The following ADAMTS17 variants were observed in gnomAD, a reference collection of about 807,000 sequenced individuals.
ADAMTS17 encodes ADAM metallopeptidase with thrombospondin type 1 motif 17, also known as A disintegrin and metalloproteinase with thrombospondin motifs 17.
In ADAMTS17, 113 loss-of-function variants were observed where a neutral mutation model predicts 141.5. That is an observed-to-expected ratio of 0.80 (90% CI 0.69 to 0.93). The LOEUF is 0.93. Among genes scored for constraint, ADAMTS17 ranks in the 40% least tolerant of loss-of-function variants. The pLI, the probability that ADAMTS17 is intolerant of heterozygous loss-of-function variation, is 0.00. For synonymous variants in ADAMTS17, 768 were observed against 630.6 expected, an observed-to-expected ratio of 1.22 and a Z score of -3.27; for missense variants, 1,659 against 1,517.9, an observed-to-expected ratio of 1.09 and a Z score of -1.54.
chr15:100,065,582 T>C (rs1021092679), intron 15 of ADAMTS17, among the ~76,000 whole-genome samples: 1 of 152,222 alleles, frequency 6.6e-6, no homozygotes, highest in Non-Finnish European at 1.5e-5. Flanking sequence ...GTATGCAAAA[T>C]GCTATTGCGG....
intron 18 of ADAMTS17, among the ~76,000 whole-genome samples, chr15:100,015,884 T>C (rs183526448): frequency 2.0e-5 from 3 of 152,340 alleles, no homozygotes; most frequent in Middle Eastern, 3.4e-3. Context: ...CACGTGTTCC[T>C]TGTGCTTCTT....
At chr15:100,247,289 C>T (rs576667593) in intron 7 of ADAMTS17, among the ~76,000 whole-genome samples, 1 of 152,256 alleles carries the variant, frequency 6.6e-6, no homozygotes, top group Admixed American at 6.5e-5. Flanking sequence ...GATAGGAGAG[C>T]CCCAAGAAGC....
intron 13 of ADAMTS17, among the ~76,000 whole-genome samples, chr15:100,111,616 C>T (rs1441577240): frequency 3.3e-5 from 5 of 152,194 alleles, no homozygotes; most frequent in Non-Finnish European, 7.3e-5. Context: ...AGCAAGGGTC[C>T]CTTGGCTGAA....
chr15:100,023,550 G>A (rs1404953053), intron 18 of ADAMTS17, among the ~76,000 whole-genome samples: 1 of 151,962 alleles, frequency 6.6e-6, no homozygotes. Flanking sequence ...CCCACTCCCT[G>A]GTGAAATAAC....
chr15:100,027,123 C>T (rs565462722), intron 18 of ADAMTS17, among the ~76,000 whole-genome samples: 7 of 152,284 alleles, frequency 4.6e-5, no homozygotes, highest in Admixed American at 2.6e-4. Context: ...CTTTGTAAAA[C>T]GCACTTTGTC....
In ADAMTS17 at chr15:100,116,530, A is replaced by G. The variant is rs1211006200; in HGVS notation, c.1888+317T>C. The stretch of plus-strand genomic sequence containing the variant: ...CCCTGTAAAGCTCCTTGGTCTCCTC[A>G]GCTCGTCCTGGGTCCCTCCACACAT... On this transcript the variant is annotated intron_variant, in intron 13 of 21. Transcript: ENST00000268070. Among the ~76,000 whole-genome samples, 3 of 152,354 alleles carry G rather than the reference A, an allele frequency of 2.0e-5. No homozygotes were observed. In the East Asian group the frequency reaches 5.8e-4, roughly 29 times the overall value.
rs2141589958 is a variant in ADAMTS17, at chr15:100,051,608, T to A, written c.2419A>T (p.Ser807Cys). 1.9e-6 allele frequency: 3 copies of A among 1,614,078 alleles called. No homozygotes were observed. Among genetic ancestry groups the A allele is most frequent in the Non-Finnish European group, 2.5e-6 (3 of 1,179,988 alleles). ...PQDSLFIWTH[S>C]GWEGCSVQCG... ...TGCACACTGCACCCTTCCCAGCCGCTGTGGGTCCAGATGAACAAAGAGTCC... is the reference window on the plus strand; with the variant it reads ...TGCACACTGCACCCTTCCCAGCCGCAGTGGGTCCAGATGAACAAAGAGTCC... Residue 807 changes from serine to cysteine, a missense_variant, in exon 17 of 22, where the codon AGC becomes TGC. Coordinates refer to ENST00000268070, the MANE Select transcript of ADAMTS17 (RefSeq NM_139057.4).
At position 100,116,966 on chromosome 15, in the gene ADAMTS17, G is replaced by T. The variant is rs369507903; in HGVS notation, c.1769C>A (p.Ala590Glu). The T allele has an allele frequency of 3.1e-6, 5 of 1,613,606 alleles. No individual in the cohort carries two copies. The East Asian group carries it at 8.9e-5, about 29-fold the overall frequency. ...GGGGCAGGGCAGGTTCTCGCAGACC[G>T]CATGTTCTACACTGGCACCCGGGCA... ...THCPGASVEH[A>E]VCENLPCPKG... is the part of the protein sequence containing the mutation. The change falls in exon 13 of 22, where the codon GCG (alanine) becomes GAG (glutamate). Residue 590 changes from alanine to glutamate, a missense_variant. Transcript: ENST00000268070.
intron 3 of ADAMTS17, among the ~76,000 whole-genome samples, chr15:100,330,025 G>A (rs1259297817): frequency 6.6e-6 from 1 of 152,200 alleles, no homozygotes; most frequent in Non-Finnish European, 1.5e-5. Flanking sequence ...GAAGTCAGCA[G>A]TGGGGTCCCA....
At chr15:100,303,257 C>T (rs1030073678) in intron 3 of ADAMTS17, among the ~76,000 whole-genome samples, 3 of 148,818 alleles carry the variant, frequency 2.0e-5, no homozygotes, top group Non-Finnish European at 4.5e-5. Flanking sequence ...TTCTGTCCCT[C>T]GAGAGAACCC....
At chr15:100,040,401 G>C (rs1018249098) in intron 18 of ADAMTS17, among the ~76,000 whole-genome samples, 22 of 152,172 alleles carry the variant, frequency 1.4e-4, no homozygotes, top group Non-Finnish European at 1.6e-4. Flanking sequence ...GGCTGTTGTT[G>C]TTCTTTCAGT....
intron 3 of ADAMTS17, among the ~76,000 whole-genome samples, chr15:100,321,291 A>C (rs529076106): frequency 6.6e-6 from 1 of 152,314 alleles, no homozygotes; most frequent in South Asian, 2.1e-4. Context: ...AACAACAACA[A>C]AGAGAAACAG....
chr15:100,118,635 C>T (rs1215783392), intron 12 of ADAMTS17, among the ~76,000 whole-genome samples: 1 of 152,166 alleles, frequency 6.6e-6, no homozygotes, highest in African/African-American at 2.4e-5. Context: ...GAAGGGGCCT[C>T]GGACAGCCTC....
chr15:100,175,440 C>T (rs191304853), intron 8 of ADAMTS17, among the ~76,000 whole-genome samples: 200 of 152,226 alleles, frequency 1.3e-3, no homozygotes, highest in Middle Eastern at 3.4e-3. Flanking sequence ...CATCTACAAA[C>T]GTCGTATGCC....
At chr15:100,034,943 C>A (rs901087140) in intron 18 of ADAMTS17, among the ~76,000 whole-genome samples, 1 of 152,204 alleles carries the variant, frequency 6.6e-6, no homozygotes, top group African/African-American at 2.4e-5. Context: ...ATCCCCTTAG[C>A]ATAAACATGC....
chr15:100,269,537 G>C (rs180814152), intron 4 of ADAMTS17, among the ~76,000 whole-genome samples: 1 of 152,278 alleles, frequency 6.6e-6, no homozygotes, highest in East Asian at 1.9e-4. Flanking sequence ...TCTAGAGAAT[G>C]GCAAGGACCT....
rs574606797 is a variant in ADAMTS17, at chr15:100,049,357, T to G, written c.2456-365A>C. On this transcript the variant is annotated intron_variant, in intron 17 of 21. Coordinates refer to ENST00000268070, the MANE Select transcript of ADAMTS17 (RefSeq NM_139057.4). ...GTTTAAAGTCTATGGAGATCTGATC[T>G]CAATTAAAGACCTGCACATCAGCCC... Among the ~76,000 whole-genome samples the G allele has an allele frequency of 8.5e-5, 13 of 152,302 alleles. 1 individual carries two copies. Among genetic ancestry groups the G allele is most frequent in the African/African-American group, 2.9e-4 (12 of 41,574 alleles).
chr15:100,153,581 T>C (rs552769489), intron 9 of ADAMTS17, among the ~76,000 whole-genome samples: 1 of 152,102 alleles, frequency 6.6e-6, no homozygotes, highest in Non-Finnish European at 1.5e-5. Flanking sequence ...GAGGCTGAGG[T>C]TGCAGTGAGC....
chr15:100,230,240 A>T (rs1012592251), intron 7 of ADAMTS17, among the ~76,000 whole-genome samples: 3 of 152,244 alleles, frequency 2.0e-5, no homozygotes, highest in African/African-American at 7.2e-5. Context: ...CGAAAGCCAC[A>T]CTTGCAGACC....
Sources: allele counts gnomAD v4.1 joint callset (sites outside exome capture counted in the v4.1 genomes callset), GRCh38; gene constraint gnomAD v4.1.1; transcripts MANE v1.5; gene names NCBI Gene and HGNC (gene_info 2026-07-23, HGNC 2026-07-21).